The following RUNDC3B variants were observed in gnomAD, a reference collection of about 807,000 sequenced individuals.
RUNDC3B encodes the protein RUN domain containing 3B, also known as RUN domain-containing protein 3B.
RUNDC3B carries 33 observed loss-of-function variants against 58.4 expected under a neutral mutation model. The observed-to-expected ratio is 0.56, with a 90% CI of 0.43 to 0.75. The LOEUF is 0.75. RUNDC3B is among the 30% of genes least tolerant of loss of function. RUNDC3B has a pLI of 0.00. For missense variants in RUNDC3B, 501 were observed against 535.7 expected, an observed-to-expected ratio of 0.94 and a Z score of 0.64; for synonymous variants, 193 against 195.2, an observed-to-expected ratio of 0.99 and a Z score of 0.10.
intron 2 of RUNDC3B, among the ~76,000 whole-genome samples, chr7:87,651,259 C>T (rs1430019890): frequency 6.6e-6 from 1 of 152,110 alleles, no homozygotes; most frequent in African/African-American, 2.4e-5. Flanking sequence ...TACAGAGAAG[C>T]ATTCCAGGCA....
At chr7:87,640,052 T>C (rs1011829818) in intron 1 of RUNDC3B, among the ~76,000 whole-genome samples, 1 of 150,916 alleles carries the variant, frequency 6.6e-6, no homozygotes, top group African/African-American at 2.4e-5. Context: ...TCTTTATATA[T>C]GTTTATATAT....
intron 6 of RUNDC3B, among the ~76,000 whole-genome samples, chr7:87,764,013 G>A (rs896593603): frequency 6.6e-6 from 1 of 151,716 alleles, no homozygotes; most frequent in African/African-American, 2.4e-5. Context: ...TATAATTTCT[G>A]ACCTTGATTT....
intron 2 of RUNDC3B, among the ~76,000 whole-genome samples, chr7:87,661,172 GA>G (rs1406325190): frequency 2.0e-5 from 3 of 151,722 alleles, no homozygotes; most frequent in Admixed American, 2.0e-4. Flanking sequence ...GGGTACATGA[GA>G]TTTTTTTACA....
intron 6 of RUNDC3B, among the ~76,000 whole-genome samples, chr7:87,746,092 C>A (rs986350545): frequency 6.6e-6 from 1 of 152,060 alleles, no homozygotes; most frequent in Non-Finnish European, 1.5e-5. Context: ...ATTTAATTTC[C>A]ATGTACTTGC....
chr7:87,698,131 A>G (rs1165303009), intron 2 of RUNDC3B, among the ~76,000 whole-genome samples: 1 of 152,062 alleles, frequency 6.6e-6, no homozygotes, highest in African/African-American at 2.4e-5. Context: ...ACGAAGTCTC[A>G]CTCTGTCACC....
In RUNDC3B at chr7:87,725,660, T is replaced by C. The variant is rs868709471; in HGVS notation, c.459-14131T>C. Among the ~76,000 whole-genome samples the C allele has an allele frequency of 2.9e-3, 441 of 152,310 alleles. 3 individuals carry two copies. Among genetic ancestry groups the C allele is most frequent in the African/African-American group, 9.9e-3 (410 of 41,582 alleles). ...TTCTAGTTCTAGATCCTTGAGGAAT[T>C]GCCACACTGACTTCCACAATGGTTG... is the stretch of plus-strand genomic sequence containing the variant. On this transcript the variant is annotated intron_variant, in intron 4 of 10. Coordinates refer to ENST00000394654, the MANE Select transcript of RUNDC3B (RefSeq NM_001134405.2).
At chr7:87,727,039 A>G (rs1474031477) in intron 4 of RUNDC3B, among the ~76,000 whole-genome samples, 1 of 152,150 alleles carries the variant, frequency 6.6e-6, no homozygotes, top group Non-Finnish European at 1.5e-5. Context: ...GCAAACAGGG[A>G]CAATTTGATT....
intron 2 of RUNDC3B, among the ~76,000 whole-genome samples, chr7:87,663,415 C>T (rs944676198): frequency 2.0e-5 from 3 of 151,712 alleles, no homozygotes; most frequent in African/African-American, 7.3e-5. Flanking sequence ...CTAGTCAATA[C>T]TTATTAAGCT....
In RUNDC3B at chr7:87,790,877, A is replaced by G. The variant is rs532465576; in HGVS notation, c.956+12922A>G. Among the ~76,000 whole-genome samples, 5 of 152,258 alleles carry G rather than the reference A, an allele frequency of 3.3e-5. No homozygotes were observed. The South Asian group carries it at 1.0e-3, about 32-fold the overall frequency. On this transcript the variant is annotated intron_variant, in intron 8 of 10. Transcript: ENST00000394654. ...TCAAAAGAGCAAATCTAAGTCATTC[A>G]CCTTGAAGAGGAGGTAGACAGAGAG...
chr7:87,634,101 G>T (rs1339473221), intron 1 of RUNDC3B, among the ~76,000 whole-genome samples: 1 of 152,112 alleles, frequency 6.6e-6, no homozygotes, highest in East Asian at 1.9e-4. Flanking sequence ...TCTAGGAACT[G>T]ATCCATTCTT....
chr7:87,747,502 G>T (rs1443931630), intron 6 of RUNDC3B, among the ~76,000 whole-genome samples: 1 of 152,154 alleles, frequency 6.6e-6, no homozygotes, highest in Non-Finnish European at 1.5e-5. Flanking sequence ...ATCAGCTGTG[G>T]TAGTATGGGG....
intron 2 of RUNDC3B, among the ~76,000 whole-genome samples, chr7:87,677,526 G>A (rs1585075642): frequency 6.6e-6 from 1 of 152,072 alleles, no homozygotes; most frequent in Non-Finnish European, 1.5e-5. Context: ...CTGGGGGATA[G>A]GAGAAAAGGG....
chr7:87,735,833 A>G (rs1178305210), intron 4 of RUNDC3B, among the ~76,000 whole-genome samples: 1 of 152,128 alleles, frequency 6.6e-6, no homozygotes. Context: ...ATCTGTAATT[A>G]TCTTTGTCTT....
intron 9 of RUNDC3B, among the ~76,000 whole-genome samples, chr7:87,812,473 G>A (rs1333622486): frequency 1.3e-5 from 2 of 152,154 alleles, no homozygotes; most frequent in African/African-American, 4.8e-5. Context: ...GCCAGGCATG[G>A]TGGCTGACAC....
intron 6 of RUNDC3B, among the ~76,000 whole-genome samples, chr7:87,745,455 G>A (rs576953211): frequency 4.7e-4 from 71 of 152,060 alleles, no homozygotes; most frequent in African/African-American, 1.6e-3. Context: ...CTTCTTTTTT[G>A]TTGGTAATTT....
chr7:87,794,432 TA>T (rs1319047025), intron 8 of RUNDC3B, among the ~76,000 whole-genome samples: 10 of 151,890 alleles, frequency 6.6e-5, no homozygotes, highest in Non-Finnish European at 1.5e-5. Flanking sequence ...AGACTCTGTC[TA>T]AAAAACAAAA....
intron 2 of RUNDC3B, among the ~76,000 whole-genome samples, chr7:87,660,552 A>G (rs1227463725): frequency 6.6e-6 from 1 of 151,756 alleles, no homozygotes; most frequent in African/African-American, 2.4e-5. Flanking sequence ...TTTTTTTCTT[A>G]ACCAGTATTG....
chr7:87,651,433 A>G (rs1013213414), intron 2 of RUNDC3B, among the ~76,000 whole-genome samples: 1 of 152,108 alleles, frequency 6.6e-6, no homozygotes, highest in Non-Finnish European at 1.5e-5. Flanking sequence ...CAACAATTTA[A>G]AGGGGAACTT....
chr7:87,817,822 C>A (rs1459613398), intron 10 of RUNDC3B, among the ~76,000 whole-genome samples: 1 of 152,094 alleles, frequency 6.6e-6, no homozygotes, highest in Admixed American at 6.6e-5. Context: ...ATCATTTTCA[C>A]CAGTGTATGA....
Sources: allele counts gnomAD v4.1 joint callset (sites outside exome capture counted in the v4.1 genomes callset), GRCh38; gene constraint gnomAD v4.1.1; transcripts MANE v1.5; gene names NCBI Gene and HGNC (gene_info 2026-07-23, HGNC 2026-07-21).